The following ANKRD27 variants were observed in gnomAD, a reference collection of about 807,000 sequenced individuals.
ANKRD27 encodes ankyrin repeat domain-containing protein 27.
ANKRD27 carries 112 observed loss-of-function variants against 129.7 expected under a neutral mutation model. That is an observed-to-expected ratio of 0.86 (90% confidence interval 0.74 to 1.01). The LOEUF (loss-of-function observed/expected upper bound fraction) is 1.01. Ranked by LOEUF, ANKRD27 falls within the 50% of genes least tolerant of loss-of-function variation. The probability of loss-of-function intolerance (pLI) is 0.00; values close to 1 mark genes in which losing one functional copy is unlikely to be tolerated. For missense variants in ANKRD27, 1,258 were observed against 1,300.5 expected (o/e 0.97, Z 0.50); for synonymous variants, 516 against 511.2 (o/e 1.01, Z -0.13).
chr19:32,622,356 G>C, intron 18 of ANKRD27, 66 bp downstream of exon 18: 1 of 1,564,494 alleles, frequency 6.4e-7, no homozygotes, highest in Non-Finnish European at 8.8e-7. Context: ...AGTAGGCCAA[G>C]ACCTAAGCTA....
chr19:32,663,675 T>C (rs1426423129), intron 1 of ANKRD27, among the ~76,000 whole-genome samples: 1 of 152,040 alleles, frequency 6.6e-6, no homozygotes, highest in East Asian at 1.9e-4. Context: ...GTTTCAAGGG[T>C]CTTACTGTCA....
chr19:32,661,236 C>T (rs199598904), intron 1 of ANKRD27, among the ~76,000 whole-genome samples: 13,983 of 150,876 alleles, frequency 0.093, 828 homozygotes, highest in East Asian at 0.26. Flanking sequence ...CACACACACA[C>T]ACACACACAC....
intron 12 of ANKRD27, among the ~76,000 whole-genome samples, chr19:32,634,718 C>T (rs999094109): frequency 2.0e-5 from 3 of 152,090 alleles, no homozygotes; most frequent in African/African-American, 2.4e-5. Flanking sequence ...GGGTTCAAGA[C>T]GAGCCCAGCC....
At chr19:32,674,030 G>A (rs1010835188) in intron 1 of ANKRD27, among the ~76,000 whole-genome samples, 2 of 151,422 alleles carry the variant, frequency 1.3e-5, no homozygotes, top group Non-Finnish European at 2.9e-5. Context: ...AGTGGCATGC[G>A]CCTGTAGTCC....
intron 3 of ANKRD27, 135 bp downstream of exon 3, chr19:32,649,547 C>T (rs1967370911): frequency 8.8e-6 from 6 of 683,040 alleles, no homozygotes; most frequent in Non-Finnish European, 1.3e-5. Context: ...CCTCCAGCCC[C>T]CCACGGGGCT....
chr19:32,598,357 G>C lies in ANKRD27; in HGVS notation c.2941C>G (p.Leu981Val), dbSNP rs1203131269. ...LHEPGRQSVTLRQNNLPAQSG... is the reference protein window; with the variant it reads ...LHEPGRQSVTVRQNNLPAQSG... ...TGAGCTGGCAGGTTATTCTGTCTCA[G>C]TGTGACACTTTGCCTCCCTGGCTAA... The change falls in exon 29 of 29, where the codon CTG (leucine) becomes GTG (valine). Residue 981 changes from leucine (L) to valine (V), a missense_variant. Leu to Val is a conservative substitution (Grantham distance 32). Transcript: ENST00000306065. The C allele has an allele frequency of 1.9e-6, 3 of 1,614,170 alleles. No homozygotes were observed. The highest frequency in any genetic ancestry group is 2.5e-6 in the Non-Finnish European group (3 of 1,180,026).
At chr19:32,626,569 T>A in intron 16 of ANKRD27, 143 bp downstream of exon 16, 1 of 596,294 alleles carries the variant, frequency 1.7e-6, no homozygotes. Flanking sequence ...TGACTACTGC[T>A]GCAGCAGAGC....
intron 2 of ANKRD27, among the ~76,000 whole-genome samples, chr19:32,658,419 G>A (rs1438156305): frequency 6.6e-6 from 1 of 152,184 alleles, no homozygotes; most frequent in Non-Finnish European, 1.5e-5. Context: ...CTGAGGTTGT[G>A]GCCTCTACCA....
intron 18 of ANKRD27, among the ~76,000 whole-genome samples, chr19:32,621,439 C>T (rs111541106): frequency 1.5e-3 from 226 of 152,266 alleles, no homozygotes; most frequent in African/African-American, 5.2e-3. Context: ...CCAGCCTAGC[C>T]AACATGGTGA....
At position 32,622,596 on chromosome 19, in the gene ANKRD27, G is replaced by A. The variant is rs779708018; in HGVS notation, c.1653C>T (p.Tyr551=). 14 of 1,613,706 alleles carry A rather than the reference G, an allele frequency of 8.7e-6. No homozygotes were observed. Among genetic ancestry groups the A allele is most frequent in the Admixed American group, 1.7e-5 (1 of 59,984 alleles). The change falls in exon 18 of 29, where the codon TAC becomes TAT. Residue 551 remains tyrosine, a synonymous_variant. Coordinates refer to ENST00000306065, the MANE Select transcript of ANKRD27 (RefSeq NM_032139.3). The part of the protein sequence containing the change: ...HEDCVKALVY[Y]DVESCRLDIG... ...TGTCAAGTCTGCACGACTCCACGTC[G>A]TAGTAAACCAGAGCCTTCACACACT...
chr19:32,632,918 C>T (rs1322249784), intron 12 of ANKRD27, among the ~76,000 whole-genome samples: 1 of 152,196 alleles, frequency 6.6e-6, no homozygotes, highest in Non-Finnish European at 1.5e-5. Context: ...GCAGGGTCCT[C>T]CCAGCAGTCC....
At chr19:32,656,494 T>C (rs549298700) in intron 2 of ANKRD27, among the ~76,000 whole-genome samples, 6 of 152,258 alleles carry the variant, frequency 3.9e-5, no homozygotes, top group South Asian at 2.1e-4. Flanking sequence ...AGGGTAAAGA[T>C]GGTGATCTAG....
rs535308841 is a variant in ANKRD27 at position 32,629,994 on chromosome 19, T to G, written c.1210-1145A>C. Among the ~76,000 whole-genome samples, 43 of 152,008 alleles carry G rather than the reference T, an allele frequency of 2.8e-4. No homozygotes were observed. In the South Asian group the frequency reaches 8.5e-3, roughly 30 times the overall value. ...CAGAGCTCACTGCAGCCTCAACCTC[T>G]CGGGCTCAAGTGATCCTCCCACCTT... On this transcript the variant is annotated intron_variant, in intron 13 of 28. Transcript: ENST00000306065.
At position 32,625,930 on chromosome 19, in the gene ANKRD27, G is replaced by C; in HGVS notation, c.1573C>G (p.Gln525Glu). The C allele has an allele frequency of 6.2e-7, 1 of 1,610,860 alleles. No individual in the cohort carries two copies. The highest frequency in any genetic ancestry group is 8.5e-7 in the Non-Finnish European group (1 of 1,179,050). ...AGTGGCGTATTCCCATTGTTGTCCT[G>C]CACTTCCGCGCTGGCCTTGTAGTGC... ...LLHYKASAEV[Q>E]DNNGNTPLHL... is the part of the protein sequence containing the mutation. Residue 525 changes from glutamine to glutamate, a missense_variant, in exon 17 of 29, where the codon CAG becomes GAG. Gln to Glu is a conservative substitution (Grantham distance 29, BLOSUM62 2). Coordinates refer to ENST00000306065, the MANE Select transcript of ANKRD27 (RefSeq NM_032139.3).
chr19:32,602,765 C>T (rs2145256071), intron 25 of ANKRD27, among the ~76,000 whole-genome samples: 1 of 152,142 alleles, frequency 6.6e-6, no homozygotes, highest in Middle Eastern at 3.4e-3. Flanking sequence ...TGGCACACGC[C>T]TATAGTCCCA....
chr19:32,599,843 A>G lies in ANKRD27; in HGVS notation c.2847-67T>C, dbSNP rs1047785115. 27 of 1,563,886 alleles carry G rather than the reference A, an allele frequency of 1.7e-5. No individual in the cohort carries two copies. The African/African-American group carries it at 3.3e-4, about 19-fold the overall frequency. Reference sequence around the variant, plus strand: ...GCATGAAACACTCTGGTTGGCCACAAGGTGGCAGCATTTTTGACATTAGTA... The same window carrying G: ...GCATGAAACACTCTGGTTGGCCACAGGGTGGCAGCATTTTTGACATTAGTA... On this transcript the variant is annotated intron_variant, in intron 27 of 28. Transcript: ENST00000306065.
intron 21 of ANKRD27, 41 bp downstream of exon 21, chr19:32,617,548 A>C: frequency 1.4e-6 from 1 of 734,390 alleles, no homozygotes; most frequent in Non-Finnish European, 2.5e-6. Flanking sequence ...CCCTGTCTCT[A>C]AAAAATAAAA....
intron 19 of ANKRD27, 48 bp downstream of exon 19, chr19:32,619,446 G>A (rs111474226): frequency 3.8e-5 from 62 of 1,613,938 alleles, no homozygotes; most frequent in African/African-American, 2.8e-4. Context: ...CAGAGAAGGC[G>A]CCCTTGGTCT....
chr19:32,650,862 C>A (rs1235462676), intron 2 of ANKRD27, among the ~76,000 whole-genome samples: 1 of 150,824 alleles, frequency 6.6e-6, no homozygotes, highest in African/African-American at 2.4e-5. Context: ...CATCCTCCTG[C>A]CTCAGCCTCG....
Sources: gnomAD v4.1 joint callset for allele counts (sites outside exome capture counted in the v4.1 genomes callset) on GRCh38, gnomAD v4.1.1 for gene constraint, MANE v1.5 for transcripts, NCBI Gene and HGNC (gene_info 2026-07-23, HGNC 2026-07-21) for gene names.